Variants in LGSN observed in about 807,000 individuals in gnomAD.
The protein encoded by LGSN is lengsin.
A neutral mutation model predicts 19.5 loss-of-function variants in LGSN; 21 were observed. The observed-to-expected ratio is 1.07, with a 90% CI of 0.76 to 1.55. The LOEUF (loss-of-function observed/expected upper bound fraction) is 1.55, where lower values mean the gene tolerates loss of function less well. Among genes scored for constraint, LGSN ranks in the 40% most tolerant of loss-of-function variants. The pLI, the probability that LGSN is intolerant of heterozygous loss-of-function variation, is 0.00. For missense variants in LGSN, 673 were observed against 608.5 expected (o/e 1.11, Z -1.12); for synonymous variants, 257 against 215.6 (o/e 1.19, Z -1.68).
chr6:63,434,002 G>A, the LGSN span, among the ~76,000 whole-genome samples: 7 of 152,260 alleles, frequency 4.6e-5, no homozygotes, highest in South Asian at 1.5e-3. Context: ...AGTAGGCAGT[G>A]TTAAGAGAAA....
the LGSN span, among the ~76,000 whole-genome samples, chr6:63,430,208 C>T: frequency 2.6e-5 from 4 of 152,098 alleles, no homozygotes; most frequent in African/African-American, 9.7e-5. Context: ...TGGTTATGTC[C>T]TCCATCACTA....
rs768536098 is a variant in LGSN at position 63,277,386 on chromosome 6, G to A, written c.*2635C>T. 1 of 151,940 alleles carries A rather than the reference G, an allele frequency of 6.6e-6. No individual in the cohort carries two copies. The highest frequency in any genetic ancestry group is 1.5e-5 in the Non-Finnish European group (1 of 67,994). The allele number at this position is 151,940 out of a possible 1,614,324, so 9.4% of individuals were successfully genotyped here. A position where few individuals can be genotyped will look rare whatever the true frequency, so the allele number is the denominator to read the frequency against. On this transcript the variant is annotated 3_prime_UTR_variant, in exon 4 of 4. Coordinates refer to ENST00000370657, the MANE Select transcript of LGSN (RefSeq NM_016571.3). ...AACTCAGATTATCCTCTCTAGAAGTGGGAATATTGAGGAAGTCGTCTTTCA... is the reference window on the plus strand; with the variant it reads ...AACTCAGATTATCCTCTCTAGAAGTAGGAATATTGAGGAAGTCGTCTTTCA...
At chr6:63,467,767 C>T in the LGSN span, among the ~76,000 whole-genome samples, 8 of 152,208 alleles carry the variant, frequency 5.3e-5, no homozygotes, top group Admixed American at 1.3e-4. Context: ...TCTCGGCTCA[C>T]TGCAACCTCA....
chr6:63,342,185 A>C, the LGSN span, among the ~76,000 whole-genome samples: 4 of 151,952 alleles, frequency 2.6e-5, no homozygotes, highest in East Asian at 1.9e-4. Flanking sequence ...TCAGTCTGTT[A>C]CTCTTCATTT....
chr6:63,354,957 A>G, the LGSN span, among the ~76,000 whole-genome samples: 1 of 152,168 alleles, frequency 6.6e-6, no homozygotes, highest in Non-Finnish European at 1.5e-5. Flanking sequence ...GTACAGAGTA[A>G]AATGACAATT....
chr6:63,450,193 C>CAA, the LGSN span, among the ~76,000 whole-genome samples: 51,161 of 94,414 alleles, frequency 0.54, 12,457 homozygotes, highest in Non-Finnish European at 0.61. Flanking sequence ...CTAAAAAATG[C>CAA]AAAAAAAAAA....
At chr6:63,349,302 G>C in the LGSN span, among the ~76,000 whole-genome samples, 1 of 152,230 alleles carries the variant, frequency 6.6e-6, no homozygotes, top group Non-Finnish European at 1.5e-5. Flanking sequence ...TTAAGGCAGA[G>C]ACTGGAGACT....
the LGSN span, among the ~76,000 whole-genome samples, chr6:63,557,726 A>G: frequency 6.6e-6 from 1 of 152,138 alleles, no homozygotes; most frequent in Admixed American, 6.5e-5. Flanking sequence ...AGCATAATGG[A>G]GTGGAGCACG....
the LGSN span, among the ~76,000 whole-genome samples, chr6:63,489,320 A>G: frequency 6.6e-6 from 1 of 152,212 alleles, no homozygotes; most frequent in Non-Finnish European, 1.5e-5. Flanking sequence ...ATAGCCTGGA[A>G]TAAGATTTCC....
At chr6:63,405,780 C>T in the LGSN span, among the ~76,000 whole-genome samples, 2 of 152,040 alleles carry the variant, frequency 1.3e-5, no homozygotes, top group East Asian at 3.9e-4. Context: ...TTCAGGAAAC[C>T]CATCTCAAGT....
the LGSN span, among the ~76,000 whole-genome samples, chr6:63,547,333 G>T: frequency 6.6e-6 from 1 of 151,160 alleles, no homozygotes; most frequent in East Asian, 1.9e-4. Context: ...GGGACTACAG[G>T]CATGTGCCAC....
At chr6:63,461,872 G>A in the LGSN span, among the ~76,000 whole-genome samples, 3 of 152,118 alleles carry the variant, frequency 2.0e-5, no homozygotes, top group African/African-American at 7.2e-5. Flanking sequence ...TTGAATTCTA[G>A]TATAAACACA....
chr6:63,412,759 G>T, the LGSN span, among the ~76,000 whole-genome samples: 155 of 28,534 alleles, frequency 5.4e-3, 4 homozygotes, highest in Non-Finnish European at 7.3e-3. Context: ...AAGAAAGAAA[G>T]AAAGAAAGAA....
the LGSN span, among the ~76,000 whole-genome samples, chr6:63,512,190 C>T: frequency 1.6e-3 from 248 of 152,048 alleles, 1 homozygote; most frequent in Non-Finnish European, 3.2e-3. Flanking sequence ...TCAAGCGATT[C>T]TCCTGCCTCA....
At chr6:63,415,735 A>C in the LGSN span, among the ~76,000 whole-genome samples, 1 of 152,342 alleles carries the variant, frequency 6.6e-6, no homozygotes, top group Admixed American at 6.5e-5. Context: ...TCCACTGCCT[A>C]AAAGTCAAAA....
the LGSN span, among the ~76,000 whole-genome samples, chr6:63,559,614 G>A: frequency 6.6e-6 from 1 of 151,940 alleles, no homozygotes; most frequent in Non-Finnish European, 1.5e-5. Context: ...GCATGGTGGT[G>A]TATGCCTGTA....
chr6:63,506,627 GA>G, the LGSN span, among the ~76,000 whole-genome samples: 1 of 152,084 alleles, frequency 6.6e-6, no homozygotes, highest in Non-Finnish European at 1.5e-5. Flanking sequence ...TTCTATCTCT[GA>G]TTGCTAACCC....
At chr6:63,285,774 T>C (rs746454681) in intron 2 of LGSN, 21 bp from the exon 3 acceptor site, 1 of 1,609,654 alleles carries the variant, frequency 6.2e-7, no homozygotes, top group Non-Finnish European at 8.5e-7. Context: ...AAAAAATAGG[T>C]TCTAACTCAC....
intron 3 of LGSN, among the ~76,000 whole-genome samples, chr6:63,282,740 T>C (rs1198135772): frequency 6.6e-6 from 1 of 152,122 alleles, no homozygotes. Context: ...CAAACACCAT[T>C]TGGTGTCTGC....
Sources: gnomAD v4.1 joint callset for allele counts (sites outside exome capture counted in the v4.1 genomes callset) on GRCh38, gnomAD v4.1.1 for gene constraint, MANE v1.5 for transcripts, NCBI Gene and HGNC (gene_info 2026-07-23, HGNC 2026-07-21) for gene names.